Variants in ADGRL2 observed in about 807,000 individuals in gnomAD.
ADGRL2 encodes adhesion G protein-coupled receptor L2, also known as calcium-independent alpha-latrotoxin receptor 2.
In ADGRL2, 44 loss-of-function variants were observed where a neutral mutation model predicts 157.4. The observed-to-expected ratio is 0.28, with a 90% confidence interval of 0.22 to 0.36. The LOEUF (loss-of-function observed/expected upper bound fraction) is 0.36. Ranked by LOEUF, ADGRL2 falls within the 10% of genes least tolerant of loss-of-function variation. ADGRL2 has a pLI of 1.00. For missense variants in ADGRL2, 1,510 were observed against 1,768.9 expected (o/e 0.85, Z 2.63); for synonymous variants, 585 against 624.7 (o/e 0.94, Z 0.95).
chr1:81,567,877 C>G (rs1279526887), intron 2 of ADGRL2, among the ~76,000 whole-genome samples: 1 of 152,008 alleles, frequency 6.6e-6, no homozygotes, highest in Non-Finnish European at 1.5e-5. Flanking sequence ...ATAGTTTATT[C>G]CTGCAAGACT....
chr1:81,545,955 G>A (rs1247022763), intron 2 of ADGRL2, among the ~76,000 whole-genome samples: 1 of 152,172 alleles, frequency 6.6e-6, no homozygotes, highest in Non-Finnish European at 1.5e-5. Context: ...GTGAGCCCGT[G>A]CTCTCTCTGC....
chr1:81,390,927 G>A (rs1168207855), intron 1 of ADGRL2, among the ~76,000 whole-genome samples: 1 of 152,302 alleles, frequency 6.6e-6, no homozygotes, highest in Non-Finnish European at 1.5e-5. Flanking sequence ...GAGTATATGT[G>A]GGAACTGCTT....
At chr1:81,534,578 A>T (rs574842264) in intron 2 of ADGRL2, among the ~76,000 whole-genome samples, 2 of 152,276 alleles carry the variant, frequency 1.3e-5, no homozygotes, top group Non-Finnish European at 1.5e-5. Context: ...AGCCAAGACA[A>T]GACAAAGAAA....
intron 2 of ADGRL2, among the ~76,000 whole-genome samples, chr1:81,534,019 T>C (rs957860942): frequency 1.3e-5 from 2 of 152,204 alleles, no homozygotes; most frequent in Non-Finnish European, 2.9e-5. Context: ...TCTCCTTTTC[T>C]AGACTATCGT....
chr1:81,922,526 A>G (rs537795079), intron 3 of ADGRL2, among the ~76,000 whole-genome samples: 3 of 152,318 alleles, frequency 2.0e-5, no homozygotes, highest in South Asian at 2.1e-4. Flanking sequence ...AAGGAGTTCA[A>G]TCTTTTTATA....
chr1:81,368,246 T>A (rs921063559), intron 1 of ADGRL2, among the ~76,000 whole-genome samples: 5 of 152,204 alleles, frequency 3.3e-5, no homozygotes, highest in African/African-American at 1.2e-4. Context: ...TGGTATCTCA[T>A]TGTGGTTTTG....
intron 2 of ADGRL2, among the ~76,000 whole-genome samples, chr1:81,906,164 A>G (rs913378204): frequency 7.2e-5 from 11 of 152,188 alleles, no homozygotes; most frequent in African/African-American, 2.4e-4. Context: ...GTGAAAACCT[A>G]CCAAGTTTGG....
rs1215482403 is a variant in ADGRL2, at chr1:81,952,965, T to A, written c.1795-22T>A. ...GCAGATAAAAATCTAACCTCTGATT[T>A]TTCTTTTCTTTTACTTAAAAGCTCC... On this transcript the variant is annotated intron_variant, in intron 9 of 23. Transcript: ENST00000686636. 4 of 1,601,874 alleles carry A rather than the reference T, an allele frequency of 2.5e-6. No homozygotes were observed. The South Asian group carries it at 4.4e-5, about 18-fold the overall frequency.
At chr1:81,814,173 A>T (rs2090155130) in intron 1 of ADGRL2, among the ~76,000 whole-genome samples, 1 of 151,726 alleles carries the variant, frequency 6.6e-6, no homozygotes, top group South Asian at 2.1e-4. Context: ...TATCAAAGAA[A>T]ATTTTATCAC....
intron 3 of ADGRL2, among the ~76,000 whole-genome samples, chr1:81,931,029 G>A (rs1407611717): frequency 3.9e-5 from 6 of 152,074 alleles, no homozygotes; most frequent in African/African-American, 1.2e-4. Context: ...CATTCCTGTA[G>A]TCCCAGCTAC....
At chr1:81,418,567 C>T (rs1328255173) in intron 1 of ADGRL2, among the ~76,000 whole-genome samples, 4 of 151,274 alleles carry the variant, frequency 2.6e-5, no homozygotes, top group East Asian at 1.9e-4. Context: ...CTGGCTAACA[C>T]GGTGAAACCC....
intron 3 of ADGRL2, among the ~76,000 whole-genome samples, chr1:81,590,263 G>A (rs986425180): frequency 2.0e-5 from 3 of 152,086 alleles, no homozygotes; most frequent in East Asian, 1.9e-4. Context: ...TGAGACATCC[G>A]ATCTCAGCCT....
chr1:81,773,000 T>C (rs1347950807), intron 2 of ADGRL2, among the ~76,000 whole-genome samples: 1 of 152,204 alleles, frequency 6.6e-6, no homozygotes, highest in Admixed American at 6.5e-5. Flanking sequence ...ATTTCTGTTT[T>C]GAAATTTTTT....
Position 81,340,902 on chromosome 1 carries a change from T to TG in ADGRL2, c.-302+34393_-302+34394insG. Among the ~76,000 whole-genome samples, 4 of 152,038 alleles carry TG rather than the reference T, an allele frequency of 2.6e-5. No homozygotes were observed. In the South Asian group the frequency reaches 8.3e-4, roughly 32 times the overall value. On this transcript the variant is annotated intron_variant, in intron 1 of 24. Coordinates refer to the ADGRL2 transcript ENST00000370721. ...TTGTGAGGGAGCAAAGGTTTTTTTT[T>TG]TTTTTAAATGGAACCTTAAAGATCT...
At chr1:81,376,248 A>G (rs2076247681) in intron 1 of ADGRL2, among the ~76,000 whole-genome samples, 1 of 152,176 alleles carries the variant, frequency 6.6e-6, no homozygotes. Flanking sequence ...ACCATTAGGC[A>G]TTTTCCCAGC....
chr1:81,307,233 G>C (rs1024399597), intron 1 of ADGRL2, among the ~76,000 whole-genome samples: 4 of 152,202 alleles, frequency 2.6e-5, no homozygotes, highest in Admixed American at 2.6e-4. Flanking sequence ...TTTTGAGAAT[G>C]ATTTCAATAG....
At chr1:81,723,356 C>T (rs994697708) in intron 1 of ADGRL2, among the ~76,000 whole-genome samples, 3 of 152,180 alleles carry the variant, frequency 2.0e-5, no homozygotes, top group Non-Finnish European at 2.9e-5. Flanking sequence ...TTAGGGTACT[C>T]GTTCAGATAA....
intron 1 of ADGRL2, among the ~76,000 whole-genome samples, chr1:81,347,811 A>G (rs1662588195): frequency 6.6e-6 from 1 of 152,200 alleles, no homozygotes; most frequent in Admixed American, 6.5e-5. Context: ...CCAGGAATAC[A>G]GATGGGATAG....
chr1:81,377,929 C>CCAACA (rs1225985037), intron 1 of ADGRL2, among the ~76,000 whole-genome samples: 2 of 152,006 alleles, frequency 1.3e-5, no homozygotes, highest in African/African-American at 4.8e-5. Flanking sequence ...ACCTGTAATC[C>CCAACA]CAACACTTTG....
Sources: gnomAD v4.1 joint callset for allele counts (sites outside exome capture counted in the v4.1 genomes callset) on GRCh38, gnomAD v4.1.1 for gene constraint, MANE v1.5 for transcripts, NCBI Gene and HGNC (gene_info 2026-07-23, HGNC 2026-07-21) for gene names.